The following IQCE variants were observed in gnomAD, a reference collection of about 807,000 sequenced individuals.
IQCE encodes the protein IQ domain-containing protein E.
A neutral mutation model predicts 96.0 loss-of-function variants in IQCE; 115 were observed. The observed-to-expected ratio is 1.20, with a 90% confidence interval of 1.03 to 1.40. IQCE has a LOEUF of 1.40. Among genes scored for constraint, IQCE ranks in the 40% most tolerant of loss-of-function variants. The pLI, the probability that IQCE is intolerant of heterozygous loss-of-function variation, is 0.00. For missense variants in IQCE, 1,041 were observed against 909.1 expected (o/e 1.15, Z -1.87); for synonymous variants, 412 against 371.2 (o/e 1.11, Z -1.26).
chr7:2,584,308 G>T, intron 11 of IQCE, 23 bp downstream of exon 11: 1 of 1,610,640 alleles, frequency 6.2e-7, no homozygotes, highest in Non-Finnish European at 8.5e-7. Context: ...CTTGCAAGCT[G>T]TGTTTTGTGT....
intron 6 of IQCE, among the ~76,000 whole-genome samples, chr7:2,573,943 G>C (rs1291566000): frequency 6.6e-6 from 1 of 152,158 alleles, no homozygotes; most frequent in Non-Finnish European, 1.5e-5. Flanking sequence ...ACAGTCTGCT[G>C]ATGAACTTGA....
At chr7:2,570,538 G>A (rs1192954029) in intron 3 of IQCE, among the ~76,000 whole-genome samples, 4 of 151,654 alleles carry the variant, frequency 2.6e-5, no homozygotes, top group African/African-American at 4.9e-5. Context: ...TCACAGTTAC[G>A]GTGGCGAATT....
In IQCE at chr7:2,601,469, G is replaced by A; in HGVS notation, c.1632+5G>A. ...AAAAAGGCTGTTCTGGATGAGGTAA[G>A]CGAGGTTTATTTCTTGTTTCAAAAT... On this transcript the variant is annotated splice_donor_5th_base_variant and intron_variant, in intron 18 of 21. Coordinates refer to ENST00000402050, the MANE Select transcript of IQCE (RefSeq NM_152558.5). The A allele has an allele frequency of 6.3e-7, 1 of 1,582,806 alleles. No individual in the cohort carries two copies. The highest frequency in any genetic ancestry group is 8.7e-7 in the Non-Finnish European group (1 of 1,153,688).
intron 6 of IQCE, among the ~76,000 whole-genome samples, chr7:2,577,520 G>A (rs556114918): frequency 1.1e-4 from 16 of 142,984 alleles, no homozygotes; most frequent in Admixed American, 6.2e-4. Context: ...GCGGGGACGT[G>A]TGTGCGGCGT....
chr7:2,567,093 A>G (rs200566349), intron 1 of IQCE, 23 bp from the exon 2 acceptor site: 665 of 1,610,808 alleles, frequency 4.1e-4, no homozygotes, highest in Middle Eastern at 6.6e-4. Flanking sequence ...GTCGAGTTAC[A>G]GTGTTTGCCT....
rs1193998661 is a variant in IQCE, at chr7:2,594,898, G to A, written c.1362G>A (p.Gln454=). Reference sequence around the variant, plus strand: ...CTTTCCGCCTTAGAGAGGAGATTCAGACACTTACCAGCAAGCTCCAAGAAT... The same window carrying A: ...CTTTCCGCCTTAGAGAGGAGATTCAAACACTTACCAGCAAGCTCCAAGAAT... ...EREEVLREEI[Q]TLTSKLQELQ... The change falls in exon 16 of 22, where the codon CAG becomes CAA. Residue 454 remains glutamine, a synonymous_variant. Coordinates refer to ENST00000402050, the MANE Select transcript of IQCE (RefSeq NM_152558.5). 1 of 1,613,202 alleles carries A rather than the reference G, an allele frequency of 6.2e-7. No homozygotes were observed. Among genetic ancestry groups the A allele is most frequent in the East Asian group, 2.2e-5 (1 of 44,880 alleles).
chr7:2,586,337 G>A lies in IQCE; in HGVS notation c.954G>A (p.Val318=), dbSNP rs1783109830. The A allele has an allele frequency of 3.7e-6, 6 of 1,613,620 alleles. No individual in the cohort carries two copies. Among genetic ancestry groups the A allele is most frequent in the Non-Finnish European group, 5.1e-6 (6 of 1,179,888 alleles). The part of the protein sequence containing the change: ...NQSLKEDLDR[V]LSTSPTISKT... ...GCCTGAAGGAGGACCTGGACCGCGT[G>A]CTGAGCACCTCCCCAACCATCTCCA... Residue 318 remains valine, a synonymous_variant, in exon 12 of 22, where the codon GTG becomes GTA. Coordinates refer to ENST00000402050, the MANE Select transcript of IQCE (RefSeq NM_152558.5).
Position 2,611,251 on chromosome 7 carries a change from C to T in IQCE, c.*1089C>T, listed in dbSNP as rs1785095051. ...ATCTCTTGCTTGTGTGTGAGATTAG[C>T]CCTTGCTGGGGCGTCAAGAGGAAGA... On this transcript the variant is annotated 3_prime_UTR_variant, in exon 22 of 22. Transcript: ENST00000402050. 1 of 152,312 alleles carries T rather than the reference C, an allele frequency of 6.6e-6. No individual in the cohort carries two copies. The highest frequency in any genetic ancestry group is 6.5e-5 in the Admixed American group (1 of 15,278). 9.4% of individuals were successfully genotyped at this position (152,312 alleles called of 1,614,324 possible). A position where few individuals can be genotyped will look rare whatever the true frequency, so the allele number is the denominator to read the frequency against.
intron 12 of IQCE, among the ~76,000 whole-genome samples, chr7:2,587,401 G>T (rs777028839): frequency 6.6e-6 from 1 of 151,368 alleles, no homozygotes; most frequent in Admixed American, 6.6e-5. Flanking sequence ...TGAACTTGGC[G>T]GTATATGGGG....
In IQCE at chr7:2,602,318, T is replaced by C. The variant is rs554930454; in HGVS notation, c.1632+854T>C. On this transcript the variant is annotated intron_variant, in intron 18 of 21. Coordinates refer to ENST00000402050, the MANE Select transcript of IQCE (RefSeq NM_152558.5). ...CCACAGCTGAGAACTGACAGATTGA[T>C]GAACAGTGCAGTTCCAGCCATGACC... Among the ~76,000 whole-genome samples, 6 of 152,336 alleles carry C rather than the reference T, an allele frequency of 3.9e-5. No individual in the cohort carries two copies. The East Asian group carries it at 1.2e-3, about 29-fold the overall frequency.
In IQCE at chr7:2,610,613, G is replaced by T; in HGVS notation, c.*451G>T. On this transcript the variant is annotated 3_prime_UTR_variant, in exon 22 of 22. Transcript: ENST00000402050. Reference sequence around the variant, plus strand: ...CGATCTCAGCCCAGCAGGCCAGGCAGACACACCCCGCTGTGCCTTAGGAAG... The same window carrying T: ...CGATCTCAGCCCAGCAGGCCAGGCATACACACCCCGCTGTGCCTTAGGAAG... 5.6e-6 allele frequency: 1 copy of T among 179,264 alleles called. No homozygotes were observed. The highest frequency in any genetic ancestry group is 1.2e-5 in the Non-Finnish European group (1 of 84,454). The allele number at this position is 179,264 out of a possible 1,614,324, so 11.1% of individuals were successfully genotyped here.
chr7:2,566,635 A>C (rs1399625326), intron 1 of IQCE: 1 of 171,214 alleles, frequency 5.8e-6, no homozygotes, highest in Non-Finnish European at 1.3e-5. Context: ...TTATTTTTTA[A>C]ATTTTTAAGA....
chr7:2,587,727 C>T, intron 12 of IQCE, 95 bp from the exon 13 acceptor site: 1 of 1,262,584 alleles, frequency 7.9e-7, no homozygotes, highest in Non-Finnish European at 1.2e-6. Context: ...GCTGCTCCGG[C>T]TGCGGAAGAG....
intron 1 of IQCE, among the ~76,000 whole-genome samples, chr7:2,563,787 G>T (rs964666880): frequency 6.6e-6 from 1 of 151,364 alleles, no homozygotes; most frequent in South Asian, 2.1e-4. Context: ...CCAGTTACTT[G>T]GGAGGCTGAG....
intron 17 of IQCE, among the ~76,000 whole-genome samples, chr7:2,599,609 G>T (rs895299644): frequency 6.6e-6 from 1 of 151,918 alleles, no homozygotes; most frequent in South Asian, 2.1e-4. Context: ...CAGTCCTCCG[G>T]CCTCAGCCTC....
rs577404796 is a variant in IQCE at position 2,604,923 on chromosome 7, C to T, written c.1675C>T (p.Arg559Trp). ...GGCAGCTTTCAGGGGACATCTCACG[C>T]GGACAAAGCTCTTAGCAAGCAAAGC... ...LQAAFRGHLTRTKLLASKAHG... is the reference protein window; with the variant it reads ...LQAAFRGHLTWTKLLASKAHG... Residue 559 changes from arginine to tryptophan, a missense_variant, in exon 19 of 22, where the codon CGG becomes TGG. Transcript: ENST00000402050. 2.0e-5 allele frequency: 33 copies of T among 1,613,766 alleles called. No individual in the cohort carries two copies. Among genetic ancestry groups the T allele is most frequent in the Middle Eastern group, 1.6e-4 (1 of 6,062 alleles).
intron 1 of IQCE, among the ~76,000 whole-genome samples, chr7:2,564,684 A>AT (rs1781231286): frequency 6.6e-6 from 1 of 151,604 alleles, no homozygotes; most frequent in South Asian, 2.1e-4. Context: ...ACTTTGAATG[A>AT]TTTTCTCTTT....
At chr7:2,594,818 C>T in intron 15 of IQCE, 68 bp from the exon 16 acceptor site, 1 of 1,165,038 alleles carries the variant, frequency 8.6e-7, no homozygotes, top group Non-Finnish European at 1.3e-6. Flanking sequence ...CCGCCCCACC[C>T]TGCCCTGTGC....
chr7:2,606,056 A>G, intron 20 of IQCE, 59 bp downstream of exon 20: 1 of 1,545,434 alleles, frequency 6.5e-7, no homozygotes, highest in Non-Finnish European at 8.7e-7. Context: ...TGCCCACCGC[A>G]CTGGGCCCGG....
Sources: gnomAD v4.1 joint callset for allele counts (sites outside exome capture counted in the v4.1 genomes callset) on GRCh38, gnomAD v4.1.1 for gene constraint, MANE v1.5 for transcripts, NCBI Gene and HGNC (gene_info 2026-07-23, HGNC 2026-07-21) for gene names.